The following EXOC7 variants were observed in gnomAD, a reference collection of about 807,000 sequenced individuals.
EXOC7 encodes the protein exocyst complex component Exo70.
EXOC7 carries 51 observed loss-of-function variants against 87.6 expected under a neutral mutation model. The observed-to-expected ratio is 0.58, with a 90% confidence interval of 0.46 to 0.73. The LOEUF (loss-of-function observed/expected upper bound fraction) is 0.73. Ranked by LOEUF, EXOC7 falls within the 30% of genes least tolerant of loss-of-function variation. The probability of loss-of-function intolerance (pLI) is 0.00; values close to 1 mark genes in which losing one functional copy is unlikely to be tolerated. For missense variants in EXOC7, 744 were observed against 888.4 expected, an observed-to-expected ratio of 0.84 and a Z score of 2.07; for synonymous variants, 327 against 357.1, an observed-to-expected ratio of 0.92 and a Z score of 0.95.
At chr17:76,087,907 G>A in intron 11 of EXOC7, 153 bp downstream of exon 11, 1 of 969,942 alleles carries the variant, frequency 1.0e-6, no homozygotes, top group Non-Finnish European at 1.6e-6. Context: ...CACTAAACAT[G>A]TCACTGTCCA....
chr17:76,090,860 A>G (rs1284727850), intron 7 of EXOC7: 3 of 534,112 alleles, frequency 5.6e-6, no homozygotes, highest in South Asian at 2.3e-5. Context: ...CCCAAGACAA[A>G]TAACTTTTTC....
intron 10 of EXOC7, 164 bp downstream of exon 10, chr17:76,088,300 C>T (rs2067305087): frequency 2.1e-6 from 2 of 936,482 alleles, no homozygotes; most frequent in African/African-American, 1.6e-5. Flanking sequence ...GGCTTGGAGG[C>T]CCCAGGAAGG....
At chr17:76,087,954 G>A in intron 11 of EXOC7, 106 bp downstream of exon 11, 2 of 1,347,456 alleles carry the variant, frequency 1.5e-6, no homozygotes, top group Non-Finnish European at 2.1e-6. Flanking sequence ...GGTGCGAGCG[G>A]CTCTGGGCCA....
chr17:76,087,022 A>T (rs941005996), intron 12 of EXOC7: 11 of 723,920 alleles, frequency 1.5e-5, no homozygotes, highest in Admixed American at 8.6e-5. Flanking sequence ...TCCCCACGAC[A>T]GCCAAAACAC....
intron 12 of EXOC7, chr17:76,086,983 G>T: frequency 1.7e-6 from 2 of 1,185,666 alleles, no homozygotes; most frequent in South Asian, 1.3e-5. Flanking sequence ...GGTTAGAAAC[G>T]GCATGTCAAC....
intron 16 of EXOC7, 35 bp from the exon 17 acceptor site, chr17:76,084,324 C>A (rs1269874714): frequency 6.2e-7 from 1 of 1,613,364 alleles, no homozygotes; most frequent in Non-Finnish European, 8.5e-7. Context: ...AGAAAGCTCA[C>A]TTCAGAGCAG....
chr17:76,081,219 C>T lies in EXOC7; in HGVS notation c.*2429G>A. 6.2e-7 allele frequency: 1 copy of T among 1,603,890 alleles called. No individual in the cohort carries two copies. Among genetic ancestry groups the T allele is most frequent in the Non-Finnish European group, 8.5e-7 (1 of 1,175,288 alleles). ...CCCCTGGGCTCCAGTCTGCTACCCCCAGACTTGGCAGCTGGGATCTCTCCT... is the reference window on the plus strand; with the variant it reads ...CCCCTGGGCTCCAGTCTGCTACCCCTAGACTTGGCAGCTGGGATCTCTCCT... On this transcript the variant is annotated 3_prime_UTR_variant, in exon 19 of 19. Coordinates refer to ENST00000589210, the MANE Select transcript of EXOC7 (RefSeq NM_001013839.4).
At position 76,081,347 on chromosome 17, in the gene EXOC7, A is replaced by G. The variant is rs2066962888; in HGVS notation, c.*2301T>C. ...AGTGTCAAGAGGGAATACGTAGTTT[A>G]TGATCTGAAGACCCAAGTCCCACCC... On this transcript the variant is annotated 3_prime_UTR_variant, in exon 19 of 19. Coordinates refer to ENST00000589210, the MANE Select transcript of EXOC7 (RefSeq NM_001013839.4). 3 of 1,614,040 alleles carry G rather than the reference A, an allele frequency of 1.9e-6. No homozygotes were observed. Among genetic ancestry groups the G allele is most frequent in the African/African-American group, 1.3e-5 (1 of 74,938 alleles).
At chr17:76,085,631 C>A (rs751084534) in intron 14 of EXOC7, 46 bp downstream of exon 14, 1 of 1,613,504 alleles carries the variant, frequency 6.2e-7, no homozygotes, top group South Asian at 1.1e-5. Flanking sequence ...GCTGCACAGC[C>A]GAGGGGAAGG....
At chr17:76,101,036 T>A (rs2068033821) in intron 4 of EXOC7, 1 of 610,314 alleles carries the variant, frequency 1.6e-6, no homozygotes, top group Non-Finnish European at 2.2e-6. Flanking sequence ...ATATTTTATA[T>A]GTAATTTATA....
chr17:76,090,446 C>T, intron 7 of EXOC7: 1 of 1,551,722 alleles, frequency 6.4e-7, no homozygotes, highest in Non-Finnish European at 8.7e-7. Context: ...ATCCAGGGGC[C>T]AGGCAGGCCG....
chr17:76,092,025 C>T (rs1195568590), intron 6 of EXOC7, among the ~76,000 whole-genome samples: 1 of 152,170 alleles, frequency 6.6e-6, no homozygotes, highest in Non-Finnish European at 1.5e-5. Context: ...GGGTCAGCCT[C>T]CTTTGTGGGA....
chr17:76,101,663 G>A lies in EXOC7; in HGVS notation c.311+16C>T, dbSNP rs368312144. 1 of 1,604,198 alleles carries A rather than the reference G, an allele frequency of 6.2e-7. No homozygotes were observed. The highest frequency in any genetic ancestry group is 1.3e-5 in the African/African-American group (1 of 74,604). On this transcript the variant is annotated intron_variant, in intron 3 of 18. Coordinates refer to ENST00000589210, the MANE Select transcript of EXOC7 (RefSeq NM_001013839.4). ...GGAGGCATTAGGAATTGACCCTCTG[G>A]GCCTCACTCACTCACCCCTCTCTGA...
rs770768941 is a variant in EXOC7 at position 76,081,632 on chromosome 17, T to C, written c.*2016A>G. 6.2e-7 allele frequency: 1 copy of C among 1,613,908 alleles called. No homozygotes were observed. Among genetic ancestry groups the C allele is most frequent in the Non-Finnish European group, 8.5e-7 (1 of 1,179,982 alleles). On this transcript the variant is annotated 3_prime_UTR_variant, in exon 19 of 19. Coordinates refer to ENST00000589210, the MANE Select transcript of EXOC7 (RefSeq NM_001013839.4). ...GCTGTTGGCTGACGTGTGCGGGGGG[T>C]TGCTGCCCCTCCGGGCCATTGAGCG...
chr17:76,097,910 C>T lies in EXOC7; in HGVS notation c.526G>A (p.Gly176Ser), dbSNP rs759043366. ...SPVLILDLIS[G>S]DDDLEAQEDV... The stretch of plus-strand genomic sequence containing the variant: ...TCCTGGGCCTCCAGATCATCGTCAC[C>T]ACTGATCAGATCCAAGATGAGCACG... The change falls in exon 5 of 19, where the codon GGT becomes AGT. Residue 176 changes from glycine to serine, a missense_variant. This residue lies in a region of EXOC7 where 512 missense variants were observed against 573.0 expected (regional missense o/e 0.89). Transcript: ENST00000589210. 17 of 1,613,984 alleles carry T rather than the reference C, an allele frequency of 1.1e-5. No homozygotes were observed. The South Asian group carries it at 1.8e-4, about 17-fold the overall frequency.
At position 76,084,097 on chromosome 17, in the gene EXOC7, CCTT is replaced by C; in HGVS notation, c.1858_1860del (p.Lys620del). On this transcript the variant is annotated inframe_deletion, in exon 18 of 19. Transcript: ENST00000589210. ...TGCTCTGTGTCTGGAATAGCCCAGG[CCTT>C]CTGGATTTTGCACAGTTCTTCGAGG... 1 of 1,608,744 alleles carries C rather than the reference CCTT, an allele frequency of 6.2e-7. No homozygotes were observed. Among genetic ancestry groups the C allele is most frequent in the Non-Finnish European group, 8.5e-7 (1 of 1,178,342 alleles).
At chr17:76,085,237 G>A in intron 15 of EXOC7, 77 bp downstream of exon 15, 1 of 1,208,010 alleles carries the variant, frequency 8.3e-7, no homozygotes, top group South Asian at 1.3e-5. Flanking sequence ...CCGACTCTGT[G>A]TCCTGAGGTG....
chr17:76,081,983 G>T lies in EXOC7; in HGVS notation c.*1665C>A. On this transcript the variant is annotated 3_prime_UTR_variant, in exon 19 of 19. Transcript: ENST00000589210. ...CCGGGGCAACCTTGGGGCCAAGAGC[G>T]GCCCCAGCCCAGCCCCGAGAGGGGA... The T allele has an allele frequency of 6.2e-7, 1 of 1,612,328 alleles. No homozygotes were observed. The highest frequency in any genetic ancestry group is 1.3e-5 in the African/African-American group (1 of 75,036).
intron 2 of EXOC7, among the ~76,000 whole-genome samples, chr17:76,102,929 C>T (rs945764936): frequency 6.6e-6 from 1 of 152,198 alleles, no homozygotes; most frequent in Non-Finnish European, 1.5e-5. Context: ...GATCCCAGAT[C>T]TGCCTGACTT....
Sources: gnomAD v4.1 joint callset for allele counts (sites outside exome capture counted in the v4.1 genomes callset) on GRCh38, gnomAD v4.1.1 for gene constraint, gnomAD v4.1.1 regional missense constraint, MANE v1.5 for transcripts, NCBI Gene and HGNC (gene_info 2026-07-23, HGNC 2026-07-21) for gene names.